Variants in SCN11A observed in about 807,000 individuals in gnomAD.
SCN11A encodes the protein sodium channel protein type 11 subunit alpha.
SCN11A carries 122 observed loss-of-function variants against 162.2 expected under a neutral mutation model. The observed-to-expected ratio is 0.75, with a 90% CI of 0.65 to 0.87. The LOEUF is 0.87. SCN11A is among the 40% of genes least tolerant of loss of function. The probability of loss-of-function intolerance (pLI) is 0.00; values close to 1 mark genes in which losing one functional copy is unlikely to be tolerated. For synonymous variants in SCN11A, 758 were observed against 751.5 expected (o/e 1.01, Z -0.14); for missense variants, 2,015 against 2,181.6 (o/e 0.92, Z 1.52).
intron 18 of SCN11A, 70 bp from the exon 19 acceptor site, chr3:38,895,034 A>G: frequency 7.0e-7 from 1 of 1,418,764 alleles, no homozygotes; most frequent in Non-Finnish European, 9.5e-7. Context: ...GGTTTCCAGG[A>G]CAACTTTTCC....
intron 1 of SCN11A, among the ~76,000 whole-genome samples, chr3:39,037,028 G>A (rs895624859): frequency 9.2e-5 from 14 of 152,216 alleles, no homozygotes; most frequent in African/African-American, 3.4e-4. Context: ...GCACTCTCAT[G>A]TTTATTGCAG....
At chr3:38,853,436 C>A (rs1179021440) in intron 28 of SCN11A, among the ~76,000 whole-genome samples, 1 of 152,132 alleles carries the variant, frequency 6.6e-6, no homozygotes, top group Non-Finnish European at 1.5e-5. Flanking sequence ...GCAGATTAAA[C>A]CTCCCCAAAT....
intron 19 of SCN11A, among the ~76,000 whole-genome samples, chr3:38,888,071 G>C (rs2065432638): frequency 6.6e-6 from 1 of 152,208 alleles, no homozygotes; most frequent in South Asian, 2.1e-4. Context: ...ATGAGGAAGG[G>C]AACCAGAGCT....
chr3:38,885,905 T>C (rs1035475239), intron 20 of SCN11A, among the ~76,000 whole-genome samples: 2 of 152,186 alleles, frequency 1.3e-5, no homozygotes, highest in Admixed American at 6.5e-5. Context: ...AGGATATGGA[T>C]AAACATCTTA....
chr3:38,883,316 G>A lies in SCN11A; in HGVS notation c.3136C>T (p.Arg1046Trp), dbSNP rs776182932. Reference sequence around the variant, plus strand: ...TTCACTATTTGGTAGCAGGTTTTCCGCAGGTTCCACCAAATGACCCAGGGA... The same window carrying A: ...TTCACTATTTGGTAGCAGGTTTTCCACAGGTTCCACCAAATGACCCAGGGA... ...KPPWVIWWNLRKTCYQIVKHS... is the reference protein window; with the variant it reads ...KPPWVIWWNLWKTCYQIVKHS... Residue 1046 changes from arginine (R) to tryptophan (W), a missense_variant, in exon 22 of 30, where the codon CGG (arginine) becomes TGG (tryptophan). By Grantham distance (101) the Arg-to-Trp change is moderately radical. Coordinates refer to ENST00000302328, the MANE Select transcript of SCN11A (RefSeq NM_001349253.2). The A allele has an allele frequency of 2.4e-5, 39 of 1,613,740 alleles. No homozygotes were observed. The highest frequency in any genetic ancestry group is 5.0e-5 in the Admixed American group (3 of 59,980).
At chr3:39,002,741 T>C (rs181423064) in intron 2 of SCN11A, among the ~76,000 whole-genome samples, 70 of 152,354 alleles carry the variant, frequency 4.6e-4, no homozygotes, top group Non-Finnish European at 4.9e-4. Flanking sequence ...AGTATGTTGG[T>C]TGCAAACCTT....
At chr3:39,013,587 A>G (rs1310883170) in intron 2 of SCN11A, among the ~76,000 whole-genome samples, 1 of 152,226 alleles carries the variant, frequency 6.6e-6, no homozygotes, top group Non-Finnish European at 1.5e-5. Context: ...CAAGCACAGG[A>G]TCAGCATAGC....
chr3:38,954,920 G>T (rs1163651605), intron 3 of SCN11A, among the ~76,000 whole-genome samples: 1 of 152,060 alleles, frequency 6.6e-6, no homozygotes, highest in Non-Finnish European at 1.5e-5. Context: ...TCCAGGAGGC[G>T]GAGGTTGCAG....
intron 2 of SCN11A, among the ~76,000 whole-genome samples, chr3:38,961,739 T>C (rs921624495): frequency 6.6e-6 from 1 of 152,242 alleles, no homozygotes. Context: ...GTTTGGGTTT[T>C]TTTTGTTACT....
chr3:38,934,405 C>T lies in SCN11A; in HGVS notation c.489-7474G>A, dbSNP rs572592901. ...ACTTTAAATGTAAATGGACTAAATG[C>T]TCCAATTAAAAGACACAGACTGGCA... On this transcript the variant is annotated intron_variant, in intron 7 of 29. Transcript: ENST00000302328. Among the ~76,000 whole-genome samples the T allele has an allele frequency of 2.0e-5, 3 of 152,064 alleles. No individual in the cohort carries two copies. In the South Asian group the frequency reaches 6.2e-4, roughly 32 times the overall value.
At chr3:38,889,673 G>A (rs967428082) in intron 19 of SCN11A, among the ~76,000 whole-genome samples, 28 of 147,576 alleles carry the variant, frequency 1.9e-4, no homozygotes, top group African/African-American at 4.5e-4. Flanking sequence ...GGTGGCCGGC[G>A]CCTGTCATCC....
intron 1 of SCN11A, among the ~76,000 whole-genome samples, chr3:39,051,064 G>T (rs1024292146): frequency 6.6e-6 from 1 of 151,940 alleles, no homozygotes; most frequent in African/African-American, 2.4e-5. Context: ...AATTGTCTCT[G>T]GGAACAATTT....
chr3:38,848,718 C>T (rs778323885), intron 29 of SCN11A, among the ~76,000 whole-genome samples: 27 of 152,166 alleles, frequency 1.8e-4, no homozygotes, highest in Non-Finnish European at 3.7e-4. Flanking sequence ...GTAATCTGTT[C>T]TTTCTCTGAG....
chr3:39,011,499 G>C (rs1296944367), intron 2 of SCN11A, among the ~76,000 whole-genome samples: 3 of 152,170 alleles, frequency 2.0e-5, no homozygotes, highest in Non-Finnish European at 4.4e-5. Context: ...TGAGGTCTAC[G>C]TGCCAGCAGA....
At chr3:38,851,748 A>T (rs1264946229) in intron 28 of SCN11A, among the ~76,000 whole-genome samples, 2 of 152,226 alleles carry the variant, frequency 1.3e-5, no homozygotes, top group African/African-American at 4.8e-5. Flanking sequence ...TACTCCTAAG[A>T]ATACATCTTT....
At chr3:39,010,849 G>A (rs1398137352) in intron 2 of SCN11A, among the ~76,000 whole-genome samples, 5 of 152,184 alleles carry the variant, frequency 3.3e-5, no homozygotes, top group Non-Finnish European at 7.3e-5. Flanking sequence ...ACTGGGGGGT[G>A]GAACATAAGA....
intron 3 of SCN11A, among the ~76,000 whole-genome samples, chr3:38,955,428 CAATT>C (rs1411230169): frequency 2.6e-5 from 4 of 152,120 alleles, no homozygotes; most frequent in Non-Finnish European, 4.4e-5. Context: ...ACTGAAAAAA[CAATT>C]AATGGAAGAA....
chr3:38,862,301 T>C (rs2064977034), intron 28 of SCN11A, among the ~76,000 whole-genome samples: 1 of 152,138 alleles, frequency 6.6e-6, no homozygotes, highest in South Asian at 2.1e-4. Context: ...GAATATAAAC[T>C]AGTATAACCA....
chr3:38,967,974 G>T lies in SCN11A; in HGVS notation c.-279-7551C>A, dbSNP rs530900721. Among the ~76,000 whole-genome samples the T allele has an allele frequency of 2.0e-5, 3 of 152,204 alleles. No individual in the cohort carries two copies. In the East Asian group the frequency reaches 5.8e-4, roughly 29 times the overall value. On this transcript the variant is annotated intron_variant, in intron 2 of 29. Coordinates refer to ENST00000302328, the MANE Select transcript of SCN11A (RefSeq NM_001349253.2). ...ATATACAGTATTGAGGATTCTTTTGGAACAGAATGCTAACCCTAGCTAGTA... is the reference window on the plus strand; with the variant it reads ...ATATACAGTATTGAGGATTCTTTTGTAACAGAATGCTAACCCTAGCTAGTA...
Sources: gnomAD v4.1 joint callset for allele counts (sites outside exome capture counted in the v4.1 genomes callset) on GRCh38, gnomAD v4.1.1 for gene constraint, MANE v1.5 for transcripts, NCBI Gene and HGNC (gene_info 2026-07-23, HGNC 2026-07-21) for gene names.